The following PRDM10 variants were observed in gnomAD, a reference collection of about 807,000 sequenced individuals.
The protein encoded by PRDM10 is PR domain zinc finger protein 10.
Under a neutral mutation model 133.1 loss-of-function variants are expected in PRDM10, and 65 were observed. The observed-to-expected ratio is 0.49, with a 90% CI of 0.40 to 0.60. The LOEUF (loss-of-function observed/expected upper bound fraction) is 0.60, where lower values mean the gene tolerates loss of function less well. Ranked by LOEUF, PRDM10 falls within the 20% of genes least tolerant of loss-of-function variation. The pLI is 0.00. For synonymous variants in PRDM10, 582 were observed against 580.4 expected (o/e 1.00, Z -0.04); for missense variants, 1,137 against 1,507.1 (o/e 0.75, Z 4.07).
At chr11:129,922,333 C>T (rs182644413) in intron 13 of PRDM10, among the ~76,000 whole-genome samples, 2 of 152,260 alleles carry the variant, frequency 1.3e-5, no homozygotes, top group East Asian at 3.9e-4. Flanking sequence ...AACAGGAATC[C>T]TTTTAGATAT....
chr11:129,954,788 T>G (rs76412267), intron 4 of PRDM10, among the ~76,000 whole-genome samples: 3,074 of 152,322 alleles, frequency 0.02, 106 homozygotes, highest in African/African-American at 0.065. Flanking sequence ...TCCTCCCACC[T>G]TAGCCTCCCA....
chr11:129,971,730 C>G (rs993749447), intron 1 of PRDM10, among the ~76,000 whole-genome samples: 3 of 152,390 alleles, frequency 2.0e-5, no homozygotes, highest in African/African-American at 7.2e-5. Context: ...CATAAAGACT[C>G]TCCACGTCCC....
chr11:129,986,732 A>T (rs932187004), intron 1 of PRDM10, among the ~76,000 whole-genome samples: 1 of 152,106 alleles, frequency 6.6e-6, no homozygotes, highest in African/African-American at 2.4e-5. Flanking sequence ...GCCTGGATTG[A>T]GACTCCTCAA....
intron 20 of PRDM10, among the ~76,000 whole-genome samples, chr11:129,903,285 C>T (rs1382528668): frequency 5.1e-5 from 6 of 117,216 alleles, no homozygotes; most frequent in Middle Eastern, 4.8e-3. Flanking sequence ...GCAACAAGAG[C>T]GAAACTCCGT....
chr11:129,919,446 G>C (rs1278859230), intron 13 of PRDM10, among the ~76,000 whole-genome samples: 1 of 152,178 alleles, frequency 6.6e-6, no homozygotes, highest in East Asian at 1.9e-4. Context: ...AAGAATTTAA[G>C]TAAGAATCTC....
intron 4 of PRDM10, among the ~76,000 whole-genome samples, chr11:129,950,325 A>G (rs566486146): frequency 6.6e-6 from 1 of 152,314 alleles, no homozygotes; most frequent in African/African-American, 2.4e-5. Flanking sequence ...GTTACCCAAC[A>G]TTTGAAACAC....
intron 3 of PRDM10, 47 bp from the exon 4 acceptor site, chr11:129,955,618 C>A: frequency 6.4e-7 from 1 of 1,572,250 alleles, no homozygotes; most frequent in Non-Finnish European, 8.7e-7. Context: ...CTTTGGATAG[C>A]CTGCCTACAC....
At position 129,961,096 on chromosome 11, in the gene PRDM10, G is replaced by A; in HGVS notation, c.-118-14C>T. 1 of 590,472 alleles carries A rather than the reference G, an allele frequency of 1.7e-6. No individual in the cohort carries two copies. The highest frequency in any genetic ancestry group is 2.9e-6 in the Non-Finnish European group (1 of 345,202). The allele number at this position is 590,472 out of a possible 1,614,324, so 36.6% of individuals were successfully genotyped here. On this transcript the variant is annotated splice_polypyrimidine_tract_variant and intron_variant, in intron 1 of 20. Transcript: ENST00000360871. ...TCTGCAGCATGCCTGAGAAAACACAGAAAAGGAACCAAGACTTTCAGTAGA... is the reference window on the plus strand; with the variant it reads ...TCTGCAGCATGCCTGAGAAAACACAAAAAAGGAACCAAGACTTTCAGTAGA...
intron 1 of PRDM10, among the ~76,000 whole-genome samples, chr11:129,970,791 C>A (rs754887060): frequency 1.3e-5 from 2 of 152,072 alleles, no homozygotes; most frequent in Admixed American, 1.3e-4. Flanking sequence ...GGTGATCCAC[C>A]CACCCTGGCC....
intron 7 of PRDM10, among the ~76,000 whole-genome samples, chr11:129,940,627 T>C (rs1314232162): frequency 6.6e-6 from 1 of 152,226 alleles, no homozygotes; most frequent in Non-Finnish European, 1.5e-5. Context: ...TAGGTAAACA[T>C]GTGCCATGGT....
At chr11:129,902,617 C>G in intron 20 of PRDM10, 101 bp from the exon 21 acceptor site, 2 of 1,472,950 alleles carry the variant, frequency 1.4e-6, no homozygotes, top group African/African-American at 2.8e-5. Context: ...ACAAGGGACC[C>G]AAAATAGGCA....
At chr11:129,989,706 T>C (rs1250891432) in intron 1 of PRDM10, among the ~76,000 whole-genome samples, 3 of 152,234 alleles carry the variant, frequency 2.0e-5, no homozygotes, top group Non-Finnish European at 4.4e-5. Flanking sequence ...AATAAACCCA[T>C]GTGCTTTAAA....
chr11:130,001,223 GAAC>G (rs1203811275), intron 1 of PRDM10, among the ~76,000 whole-genome samples: 6 of 152,090 alleles, frequency 3.9e-5, no homozygotes, highest in Admixed American at 3.3e-4. Flanking sequence ...CTCTATTCTA[GAAC>G]AACAAATAAG....
At chr11:129,912,007 G>A (rs761337970) in intron 18 of PRDM10, 78 bp downstream of exon 18, 20 of 1,433,688 alleles carry the variant, frequency 1.4e-5, no homozygotes, top group Non-Finnish European at 1.8e-5. Context: ...GGTCTGAAGA[G>A]AATGTCTTCC....
intron 1 of PRDM10, among the ~76,000 whole-genome samples, chr11:129,969,046 CT>C (rs1342476310): frequency 1.3e-5 from 2 of 152,240 alleles, no homozygotes; most frequent in African/African-American, 4.8e-5. Flanking sequence ...CTGCCACACA[CT>C]CCCCCGCTGC....
At chr11:129,965,963 G>T (rs1258020217) in intron 1 of PRDM10, among the ~76,000 whole-genome samples, 2 of 152,134 alleles carry the variant, frequency 1.3e-5, no homozygotes, top group Admixed American at 1.3e-4. Flanking sequence ...CAAATTACCA[G>T]CCGGGCACAG....
intron 1 of PRDM10, among the ~76,000 whole-genome samples, chr11:129,979,048 G>A (rs1937955948): frequency 6.6e-6 from 1 of 152,140 alleles, no homozygotes; most frequent in East Asian, 1.9e-4. Context: ...GAGTTCAAAA[G>A]GAACCAACAT....
At chr11:129,963,382 G>GAGAGAAGAGAAAAGAGA (rs1951835155) in intron 1 of PRDM10, among the ~76,000 whole-genome samples, 2 of 74,586 alleles carry the variant, frequency 2.7e-5, no homozygotes, top group Non-Finnish European at 5.0e-5. Context: ...AAAGAAAAAA[G>GAGAGAAGAGAAAAGAGA]AGAGAAGAGA....
At chr11:129,936,175 C>T (rs141070938) in intron 8 of PRDM10, among the ~76,000 whole-genome samples, 49 of 152,240 alleles carry the variant, frequency 3.2e-4, no homozygotes, top group African/African-American at 1.2e-3. Flanking sequence ...GGGAATCATA[C>T]ATCAATGTAC....
Sources: allele counts gnomAD v4.1 joint callset (sites outside exome capture counted in the v4.1 genomes callset), GRCh38; gene constraint gnomAD v4.1.1; transcripts MANE v1.5; gene names NCBI Gene and HGNC (gene_info 2026-07-23, HGNC 2026-07-21).